The following NKD1 variants were observed in gnomAD, a reference collection of about 807,000 sequenced individuals.
The protein encoded by NKD1 is NKD inhibitor of Wnt signaling pathway 1, also known as protein naked cuticle homolog 1.
In NKD1, 21 loss-of-function variants were observed where a neutral mutation model predicts 56.0. That is an observed-to-expected ratio of 0.38 (90% CI 0.27 to 0.54). The LOEUF (loss-of-function observed/expected upper bound fraction) is 0.54, where lower values mean the gene tolerates loss of function less well. NKD1 is among the 20% of genes least tolerant of loss of function. The pLI, the probability that NKD1 is intolerant of heterozygous loss-of-function variation, is 0.82. For synonymous variants in NKD1, 263 were observed against 265.7 expected (o/e 0.99, Z 0.10); for missense variants, 578 against 642.7 (o/e 0.90, Z 1.09).
In NKD1 at chr16:50,623,155, C is replaced by T. The variant is rs956562238; in HGVS notation, c.366+1447C>T. ...CGTGCTGTGTGGAGAGAGTGAGTGGCGTGATGTGGCCTGTGCTGGATGGTG... is the reference window on the plus strand; with the variant it reads ...CGTGCTGTGTGGAGAGAGTGAGTGGTGTGATGTGGCCTGTGCTGGATGGTG... On this transcript the variant is annotated intron_variant, in intron 5 of 9. Coordinates refer to ENST00000268459, the MANE Select transcript of NKD1 (RefSeq NM_033119.5). This position sits in a 1 kb window ranked among gnomAD's most constrained non-coding sequence, Gnocchi z 4.1. 3.9e-5 allele frequency among the ~76,000 whole-genome samples: 6 copies of T among 151,994 alleles called. No homozygotes were observed. The highest frequency in any genetic ancestry group is 2.1e-4 in the South Asian group (1 of 4,832).
At chr16:50,562,995 C>CG (rs1960674428) in intron 3 of NKD1, among the ~76,000 whole-genome samples, 1 of 132,300 alleles carries the variant, frequency 7.6e-6, no homozygotes, top group Non-Finnish European at 1.6e-5. Flanking sequence ...CACCCCCCCC[C>CG]CCCGCCGTAG....
intron 3 of NKD1, chr16:50,574,862 A>G (rs1960958900): frequency 4.1e-6 from 4 of 985,468 alleles, no homozygotes; most frequent in Non-Finnish European, 4.8e-6. Context: ...TGTGGGGGCC[A>G]TGGTCTGTGA....
chr16:50,557,392 C>T (rs1960526124), intron 3 of NKD1: 1 of 152,182 alleles, frequency 6.6e-6, no homozygotes, highest in Non-Finnish European at 1.5e-5. Context: ...TGGAACTAAG[C>T]TCTCCCCATG....
intron 5 of NKD1, chr16:50,625,245 C>G: frequency 1.8e-6 from 1 of 560,314 alleles, no homozygotes; most frequent in Non-Finnish European, 3.2e-6. Flanking sequence ...TTTGAAGACC[C>G]ACAGACCACC....
chr16:50,590,748 A>G (rs1039642313), intron 3 of NKD1, among the ~76,000 whole-genome samples: 2 of 152,196 alleles, frequency 1.3e-5, no homozygotes, highest in Non-Finnish European at 2.9e-5. Context: ...TGGGCCCCAC[A>G]CCACCTGGCA....
At chr16:50,601,536 C>G (rs891595577) in intron 3 of NKD1, among the ~76,000 whole-genome samples, 3 of 152,234 alleles carry the variant, frequency 2.0e-5, no homozygotes, top group African/African-American at 4.8e-5. Context: ...TGAGGCTGGT[C>G]CCAGTACTGG....
intron 6 of NKD1, among the ~76,000 whole-genome samples, chr16:50,625,832 GA>G (rs1443628430): frequency 9.9e-6 from 1 of 101,334 alleles, no homozygotes; most frequent in Non-Finnish European, 2.4e-5. Context: ...TCCCTCCCGG[GA>G]AAGAAGTTGG....
chr16:50,550,284 C>T (rs1036000352), intron 3 of NKD1, among the ~76,000 whole-genome samples: 6 of 152,142 alleles, frequency 3.9e-5, no homozygotes, highest in African/African-American at 1.4e-4. Context: ...ACGGGGCTTT[C>T]AGGCAGTCTG....
In NKD1 at chr16:50,592,998, C is replaced by G. The variant is rs547409423; in HGVS notation, c.193-15296C>G. Among the ~76,000 whole-genome samples, 3 of 152,246 alleles carry G rather than the reference C, an allele frequency of 2.0e-5. 1 individual carries two copies. Among genetic ancestry groups the G allele is most frequent in the African/African-American group, 7.2e-5 (3 of 41,536 alleles). On this transcript the variant is annotated intron_variant, in intron 3 of 9. Coordinates refer to ENST00000268459, the MANE Select transcript of NKD1 (RefSeq NM_033119.5). Reference sequence around the variant, plus strand: ...ATATGGGCAGTCCAGGTATAAGTACCTATGTTTATCTCACAAATAGGGAAA... The same window carrying G: ...ATATGGGCAGTCCAGGTATAAGTACGTATGTTTATCTCACAAATAGGGAAA...
chr16:50,632,218 C>G lies in NKD1; in HGVS notation c.696-63C>G. On this transcript the variant is annotated intron_variant, in intron 8 of 9. Coordinates refer to ENST00000268459, the MANE Select transcript of NKD1 (RefSeq NM_033119.5). The surrounding 1 kb of genome is among the most constrained non-coding windows in gnomAD (Gnocchi z 4.1). ...GTTCATTCTGGGGGCTTCCTAGTAG[C>G]CTATGCGCTTGCCCCCACCTGGTGG... 1 of 1,562,082 alleles carries G rather than the reference C, an allele frequency of 6.4e-7. No individual in the cohort carries two copies. Among genetic ancestry groups the G allele is most frequent in the Non-Finnish European group, 8.8e-7 (1 of 1,136,550 alleles).
At chr16:50,592,006 C>T (rs1375058132) in intron 3 of NKD1, among the ~76,000 whole-genome samples, 2 of 152,192 alleles carry the variant, frequency 1.3e-5, no homozygotes, top group Admixed American at 6.5e-5. Flanking sequence ...GATGTGATGG[C>T]CTTGGTCTCA....
In NKD1 at chr16:50,635,839, G is replaced by C. The variant is rs1962454581; in HGVS notation, c.*2058G>C. 1 of 152,258 alleles carries C rather than the reference G, an allele frequency of 6.6e-6. No homozygotes were observed. Among genetic ancestry groups the C allele is most frequent in the African/African-American group, 2.4e-5 (1 of 41,462 alleles). The allele number at this position is 152,258 out of a possible 1,614,324, so 9.4% of individuals were successfully genotyped here. A position where few individuals can be genotyped will look rare whatever the true frequency, so the allele number is the denominator to read the frequency against. On this transcript the variant is annotated 3_prime_UTR_variant, in exon 10 of 10. Transcript: ENST00000268459. This position sits in a 1 kb window ranked among gnomAD's most constrained non-coding sequence, Gnocchi z 4.1. ...TGGGTTGTGGGTTTCTGTTCAGTGA[G>C]AACGCAACTCAATCCAAAGTGAATG...
rs1315067177 is a variant in NKD1, at chr16:50,630,291, G to A, written c.568G>A (p.Asp190Asn). ...MLRVKLTVAP[D>N]GSQSKRSVLV... ...GCGGGTAAAGCTCACCGTGGCCCCC[G>A]ATGGCAGCCAGAGCAAGAGGAGCGT... The change falls in exon 7 of 10, where the codon GAT becomes AAT. Residue 190 changes from aspartate to asparagine, a missense_variant. By Grantham distance (23) the Asp-to-Asn change is conservative. Coordinates refer to ENST00000268459, the MANE Select transcript of NKD1 (RefSeq NM_033119.5). 1.9e-6 allele frequency: 3 copies of A among 1,614,136 alleles called. No individual in the cohort carries two copies. Among genetic ancestry groups the A allele is most frequent in the Admixed American group, 1.7e-5 (1 of 60,036 alleles).
At chr16:50,579,453 G>T (rs1164946281) in intron 3 of NKD1, among the ~76,000 whole-genome samples, 1 of 119,836 alleles carries the variant, frequency 8.3e-6, no homozygotes, top group Non-Finnish European at 1.7e-5. Context: ...AACCCGCCAC[G>T]CATGCACTGT....
rs1334959763 is a variant in NKD1, at chr16:50,633,875, A to T, written c.*94A>T. 1 of 600,376 alleles carries T rather than the reference A, an allele frequency of 1.7e-6. No homozygotes were observed. The highest frequency in any genetic ancestry group is 3.1e-5 in the East Asian group (1 of 32,068). 37.2% of individuals were successfully genotyped at this position (600,376 alleles called of 1,614,324 possible). A position where few individuals can be genotyped will look rare whatever the true frequency, so the allele number is the denominator to read the frequency against. On this transcript the variant is annotated 3_prime_UTR_variant, in exon 10 of 10. Transcript: ENST00000268459. The surrounding 1 kb of genome is among the most constrained non-coding windows in gnomAD (Gnocchi z 4.9). Reference sequence around the variant, plus strand: ...TCTATTAATTATTGTTATTATGATGATTATTGTTATTAATAATTATTGTTA... The same window carrying T: ...TCTATTAATTATTGTTATTATGATGTTTATTGTTATTAATAATTATTGTTA...
chr16:50,646,395 C>T lies in NKD1; in HGVS notation c.*12614C>T, dbSNP rs937053323. ...AGGGGGGGGGGAGAGAGAACGAAGG[C>T]TAACTGATGCCACAGTCTTTTATGT... On this transcript the variant is annotated 3_prime_UTR_variant, in exon 10 of 10. Coordinates refer to ENST00000268459, the MANE Select transcript of NKD1 (RefSeq NM_033119.5). 2 of 151,710 alleles carry T rather than the reference C, an allele frequency of 1.3e-5. No homozygotes were observed. The highest frequency in any genetic ancestry group is 6.6e-5 in the Admixed American group (1 of 15,244). The allele number at this position is 151,710 out of a possible 1,614,324, so 9.4% of individuals were successfully genotyped here.
At chr16:50,591,808 G>T (rs1187090892) in intron 3 of NKD1, among the ~76,000 whole-genome samples, 2 of 152,232 alleles carry the variant, frequency 1.3e-5, no homozygotes, top group Admixed American at 1.3e-4. Context: ...CTGGGCTGGG[G>T]TGCGAGCCAG....
At chr16:50,585,418 A>T (rs74771851) in intron 3 of NKD1, among the ~76,000 whole-genome samples, 4,379 of 152,278 alleles carry the variant, frequency 0.029, 214 homozygotes, top group African/African-American at 0.1. Flanking sequence ...CTGCCGGCCA[A>T]GGAATTCGGG....
chr16:50,570,429 C>T (rs1960855762), intron 3 of NKD1, among the ~76,000 whole-genome samples: 1 of 152,188 alleles, frequency 6.6e-6, no homozygotes, highest in Non-Finnish European at 1.5e-5. Flanking sequence ...TACACAGGCT[C>T]TGTATGAAGA....
Sources: allele counts gnomAD v4.1 joint callset (sites outside exome capture counted in the v4.1 genomes callset), GRCh38; gene constraint gnomAD v4.1.1; non-coding constraint Gnocchi (gnomAD v3.1); transcripts MANE v1.5; gene names NCBI Gene and HGNC (gene_info 2026-07-23, HGNC 2026-07-21).